The following APAF1 variants were observed in gnomAD, a reference collection of about 807,000 sequenced individuals.
APAF1 encodes the protein apoptotic peptidase activating factor 1, also known as apoptotic protease-activating factor 1.
APAF1 carries 91 observed loss-of-function variants against 152.4 expected under a neutral mutation model. That is an observed-to-expected ratio of 0.60 (90% CI 0.50 to 0.71). APAF1 has a LOEUF of 0.71. Among genes scored for constraint, APAF1 ranks in the 30% least tolerant of loss-of-function variants. APAF1 has a pLI of 0.00. For synonymous variants in APAF1, 484 were observed against 494.1 expected, an observed-to-expected ratio of 0.98 and a Z score of 0.27; for missense variants, 1,283 against 1,472.0, an observed-to-expected ratio of 0.87 and a Z score of 2.10.
At chr12:98,715,256 ATATATATATATATATATATATATAT>A (rs1201420879) in intron 21 of APAF1, among the ~76,000 whole-genome samples, 146 bp from the exon 22 acceptor site, 1 of 120,918 alleles carries the variant, frequency 8.3e-6, no homozygotes, top group Admixed American at 8.1e-5. Flanking sequence ...ATATATATAT[ATATATATATATATATATATATATAT>A]GACATTCATT....
intron 20 of APAF1, among the ~76,000 whole-genome samples, chr12:98,709,879 T>G (rs1177786706): frequency 6.6e-6 from 1 of 152,170 alleles, no homozygotes; most frequent in East Asian, 1.9e-4. Flanking sequence ...TAATTTTCTT[T>G]CTTTTGTTTT....
At chr12:98,695,229 T>C (rs569534831) in intron 16 of APAF1, among the ~76,000 whole-genome samples, 1 of 152,216 alleles carries the variant, frequency 6.6e-6, no homozygotes, top group South Asian at 2.1e-4. Context: ...ATTTTTGTGT[T>C]TTTAGTAGAG....
chr12:98,660,295 C>A (rs1390242995), intron 5 of APAF1, among the ~76,000 whole-genome samples: 1 of 151,802 alleles, frequency 6.6e-6, no homozygotes, highest in African/African-American at 2.4e-5. Context: ...GCAGTGAACC[C>A]AGATTGTGCC....
intron 16 of APAF1, among the ~76,000 whole-genome samples, chr12:98,694,877 AT>A (rs200521786): frequency 3.3e-3 from 441 of 133,862 alleles, no homozygotes; most frequent in Middle Eastern, 3.8e-3. Flanking sequence ...ATCATGAACA[AT>A]TTTTTTTTTT....
intron 26 of APAF1, among the ~76,000 whole-genome samples, chr12:98,730,492 G>A (rs567041527): frequency 6.6e-6 from 1 of 152,334 alleles, no homozygotes; most frequent in Admixed American, 6.5e-5. Flanking sequence ...CATATTTGCA[G>A]AGTTCTTGGG....
intron 7 of APAF1, among the ~76,000 whole-genome samples, chr12:98,663,410 C>T (rs942576832): frequency 5.3e-5 from 8 of 152,076 alleles, no homozygotes; most frequent in Non-Finnish European, 1.2e-4. Flanking sequence ...TATAGAATCT[C>T]GCTGTGTTGC....
intron 4 of APAF1, among the ~76,000 whole-genome samples, chr12:98,650,357 G>A (rs1405754468): frequency 6.6e-6 from 1 of 152,002 alleles, no homozygotes; most frequent in Non-Finnish European, 1.5e-5. Context: ...GTGGTGGTGA[G>A]CACCTGTAAT....
Position 98,723,619 on chromosome 12 carries a change from G to GTTT in APAF1, c.3205-6_3205-4dup, listed in dbSNP as rs199829267. The GTTT allele has an allele frequency of 5.8e-4, 792 of 1,364,914 alleles. No homozygotes were observed. The highest frequency in any genetic ancestry group is 6.5e-4 in the South Asian group (51 of 78,558). The allele number at this position is 1,364,914 out of a possible 1,614,324, so 84.6% of individuals were successfully genotyped here. A position where few individuals can be genotyped will look rare whatever the true frequency, so the allele number is the denominator to read the frequency against. ...TTCTTAAAAGTGTCAACCTCCAAGT[G>GTTT]TTTTTTTTTTTTTTTTAAGGTATGG... On this transcript the variant is annotated intron_variant, in intron 23 of 26. Transcript: ENST00000551964.
chr12:98,703,558 GAA>G, intron 18 of APAF1, 59 bp downstream of exon 18: 1 of 1,607,426 alleles, frequency 6.2e-7, no homozygotes, highest in Admixed American at 1.7e-5. Context: ...GGATGACAGA[GAA>G]TGGGCAGCTT....
chr12:98,724,106 G>T (rs959933230), intron 24 of APAF1, among the ~76,000 whole-genome samples: 1 of 152,142 alleles, frequency 6.6e-6, no homozygotes, highest in Non-Finnish European at 1.5e-5. Context: ...TATAATTGAC[G>T]TGTGTCTAAA....
chr12:98,725,877 A>C (rs1305001859), intron 25 of APAF1, among the ~76,000 whole-genome samples: 1 of 152,214 alleles, frequency 6.6e-6, no homozygotes, highest in Non-Finnish European at 1.5e-5. Context: ...GAGGAAAATA[A>C]TTTTGTAAAT....
intron 4 of APAF1, among the ~76,000 whole-genome samples, chr12:98,655,454 G>A (rs1165186468): frequency 1.3e-3 from 191 of 150,934 alleles, no homozygotes; most frequent in African/African-American, 4.4e-3. Flanking sequence ...CGGCCGGGCA[G>A]GGGGCTGACC....
intron 8 of APAF1, 102 bp downstream of exon 8, chr12:98,665,893 A>T: frequency 6.7e-6 from 7 of 1,042,450 alleles, no homozygotes; most frequent in Non-Finnish European, 1.0e-5. Flanking sequence ...GATAAGACCC[A>T]GGGGACTGAG....
chr12:98,696,022 A>G (rs1332934470), intron 16 of APAF1, among the ~76,000 whole-genome samples: 4 of 151,838 alleles, frequency 2.6e-5, no homozygotes, highest in Non-Finnish European at 2.9e-5. Context: ...CTCTTTCTCC[A>G]TTTTCCTTCG....
At position 98,700,695 on chromosome 12, in the gene APAF1, C is replaced by G. The variant is rs562810601; in HGVS notation, c.2466+1126C>G. 3.3e-5 allele frequency among the ~76,000 whole-genome samples: 5 copies of G among 152,278 alleles called. No individual in the cohort carries two copies. The South Asian group carries it at 1.0e-3, about 32-fold the overall frequency. On this transcript the variant is annotated intron_variant, in intron 17 of 26. Coordinates refer to ENST00000551964, the MANE Select transcript of APAF1 (RefSeq NM_181861.2). Reference sequence around the variant, plus strand: ...GCATTACATTCACAATGCTGTGTAGCCATTACTACTATATATTTCCAAAAC... The same window carrying G: ...GCATTACATTCACAATGCTGTGTAGGCATTACTACTATATATTTCCAAAAC...
intron 16 of APAF1, among the ~76,000 whole-genome samples, chr12:98,689,433 GGTGAGAGAGA>G (rs2097701620): frequency 1.1e-5 from 1 of 88,864 alleles, no homozygotes; most frequent in South Asian, 4.5e-4. Context: ...TTTGTGTGAG[GGTGAGAGAGA>G]GAGAGAGAGA....
intron 12 of APAF1, 125 bp from the exon 13 acceptor site, chr12:98,677,299 AT>A: frequency 2.0e-6 from 2 of 983,902 alleles, no homozygotes; most frequent in Non-Finnish European, 3.0e-6. Flanking sequence ...TAGTAATCTG[AT>A]TTTAAGAATT....
rs1361940729 is a variant in APAF1 at position 98,699,545 on chromosome 12, G to A, written c.2442G>A (p.Met814Ile). The A allele has an allele frequency of 6.2e-7, 1 of 1,614,098 alleles. No individual in the cohort carries two copies. The change falls in exon 17 of 27, where the codon ATG (methionine) becomes ATA (isoleucine). Residue 814 changes from methionine (M) to isoleucine (I), a missense_variant. Transcript: ENST00000551964. ...GGTCTGCTGATGGTGCAAGGATAAT[G>A]GTGGCAGCAAAAAATAAAATCTTTG... The part of the protein sequence containing the change: ...CSWSADGARI[M>I]VAAKNKIFLF...
At chr12:98,682,055 T>TTC (rs1565873255) in intron 14 of APAF1, among the ~76,000 whole-genome samples, 1 of 148,282 alleles carries the variant, frequency 6.7e-6, no homozygotes, top group African/African-American at 2.5e-5. Flanking sequence ...TTTTTTTGTT[T>TTC]TTTTTTTTTT....
Sources: gnomAD v4.1 joint callset for allele counts (sites outside exome capture counted in the v4.1 genomes callset) on GRCh38, gnomAD v4.1.1 for gene constraint, MANE v1.5 for transcripts, NCBI Gene and HGNC (gene_info 2026-07-23, HGNC 2026-07-21) for gene names.